PDXDC1: variants seen among roughly 807,000 people sequenced by gnomAD.
PDXDC1 encodes the protein pyridoxal dependent decarboxylase domain containing 1.
PDXDC1 carries 42 observed loss-of-function variants against 100.1 expected under a neutral mutation model. That is an observed-to-expected ratio of 0.42 (90% CI 0.33 to 0.54). PDXDC1 has a LOEUF of 0.54. PDXDC1 is among the 20% of genes least tolerant of loss of function. The pLI is 0.10. For missense variants in PDXDC1, 636 were observed against 979.2 expected (o/e 0.65, Z 4.68); for synonymous variants, 260 against 371.7 (o/e 0.70, Z 3.46).
chr16:15,132,365 A>T (rs1340392860), intron 16 of PDXDC1, among the ~76,000 whole-genome samples: 2 of 11,216 alleles, frequency 1.8e-4, no homozygotes, highest in Admixed American at 9.1e-4. Context: ...GGGGAGGGGC[A>T]AGGGGAGGGA....
chr16:15,035,199 G>A (rs751291955), intron 21 of PDXDC1, among the ~76,000 whole-genome samples: 1 of 152,206 alleles, frequency 6.6e-6, no homozygotes. Flanking sequence ...GCTACAGTAC[G>A]TTTCCCTGTT....
intron 16 of PDXDC1, chr16:15,047,755 C>T (rs566054881): frequency 3.1e-5 from 33 of 1,081,902 alleles, no homozygotes; most frequent in Admixed American, 1.2e-4. Flanking sequence ...AAGCGGAGTC[C>T]GCTTCCAACA....
intron 6 of PDXDC1, among the ~76,000 whole-genome samples, chr16:15,006,910 A>G (rs1173612119): frequency 1.3e-5 from 2 of 152,296 alleles, no homozygotes; most frequent in African/African-American, 4.8e-5. Flanking sequence ...TTTTCAAAGT[A>G]TAGTTTATTT....
intron 16 of PDXDC1, chr16:15,060,041 G>C (rs1438922657): frequency 5.1e-6 from 1 of 194,204 alleles, no homozygotes; most frequent in Non-Finnish European, 1.1e-5. Context: ...CATGTATTGA[G>C]GTACCTTTTA....
rs1004734150 is a variant in PDXDC1, at chr16:15,093,935, A to G, written c.1400-44944A>G. ...ACAGTCGGGAAAGGGGGCCTCCAGA[A>G]CAGAGAACATAGTCACTTTTCCAGG... is the stretch of plus-strand genomic sequence containing the variant. On this transcript the variant is annotated intron_variant, in intron 16 of 16. Coordinates refer to the PDXDC1 transcript ENST00000535621. 3 of 585,678 alleles carry G rather than the reference A, an allele frequency of 5.1e-6. No homozygotes were observed. The African/African-American group carries it at 5.7e-5, about 11-fold the overall frequency. 36.3% of individuals were successfully genotyped at this position (585,678 alleles called of 1,614,324 possible). A position where few individuals can be genotyped will look rare whatever the true frequency, so the allele number is the denominator to read the frequency against.
chr16:15,020,248 G>A (rs1410857172), intron 12 of PDXDC1, among the ~76,000 whole-genome samples: 1 of 152,252 alleles, frequency 6.6e-6, no homozygotes, highest in East Asian at 1.9e-4. Context: ...ATATGACAAG[G>A]ATTGCCAGGA....
At chr16:15,032,064 A>G in intron 17 of PDXDC1, 158 bp downstream of exon 17, 2 of 674,234 alleles carry the variant, frequency 3.0e-6, no homozygotes, top group South Asian at 1.9e-5. Context: ...ACAAAAGCAC[A>G]GTGCAAGCAG....
chr16:15,122,743 G>A (rs2047485218), intron 16 of PDXDC1, among the ~76,000 whole-genome samples: 1 of 148,428 alleles, frequency 6.7e-6, no homozygotes, highest in African/African-American at 2.5e-5. Context: ...GCGCCCGGAG[G>A]TGGCCAGGAC....
chr16:15,144,950 C>T, the PDXDC1 span, among the ~76,000 whole-genome samples: 1 of 152,158 alleles, frequency 6.6e-6, no homozygotes, highest in Non-Finnish European at 1.5e-5. Flanking sequence ...GCTCCTGGTG[C>T]CCCTGCACAC....
intron 16 of PDXDC1, among the ~76,000 whole-genome samples, chr16:15,055,205 A>AC (rs1230283841): frequency 6.6e-6 from 1 of 151,898 alleles, no homozygotes; most frequent in African/African-American, 2.4e-5. Flanking sequence ...AAACCTGAGA[A>AC]CCCCCTTGCC....
chr16:14,983,022 C>G (rs1485124941), intron 1 of PDXDC1, among the ~76,000 whole-genome samples: 3 of 152,250 alleles, frequency 2.0e-5, no homozygotes, highest in Admixed American at 2.0e-4. Context: ...TTTTTTATGT[C>G]TAATGCATAT....
chr16:15,078,593 G>T (rs1406648901), intron 16 of PDXDC1, among the ~76,000 whole-genome samples: 1 of 152,010 alleles, frequency 6.6e-6, no homozygotes, highest in Admixed American at 6.6e-5. Context: ...TCCTCCTTCC[G>T]GCGGATCCTT....
chr16:14,981,255 A>G (rs1187411930), intron 1 of PDXDC1, among the ~76,000 whole-genome samples: 3 of 152,292 alleles, frequency 2.0e-5, no homozygotes. Context: ...ATCAAGAAAC[A>G]GGAAAAGCAT....
At chr16:14,976,438 C>T (rs1477017754) in intron 1 of PDXDC1, among the ~76,000 whole-genome samples, 33 of 152,388 alleles carry the variant, frequency 2.2e-4, no homozygotes, top group Admixed American at 1.1e-3. Flanking sequence ...GTGGTATAGC[C>T]TACTCCTGGG....
At chr16:14,994,764 AC>A (rs1294342914) in intron 1 of PDXDC1, among the ~76,000 whole-genome samples, 5 of 152,272 alleles carry the variant, frequency 3.3e-5, no homozygotes, top group African/African-American at 1.2e-4. Flanking sequence ...GATTCTTCCT[AC>A]CCATGAGTGT....
intron 16 of PDXDC1, chr16:15,131,693 G>C: frequency 6.4e-7 from 1 of 1,551,408 alleles, no homozygotes; most frequent in Non-Finnish European, 8.7e-7. Flanking sequence ...GAGCTGGCCA[G>C]GTGGATGAGG....
At position 15,036,355 on chromosome 16, in the gene PDXDC1, CATACTA is replaced by C; in HGVS notation, c.*84_*89del. On this transcript the variant is annotated 3_prime_UTR_variant, in exon 23 of 23. Coordinates refer to ENST00000396410, the MANE Select transcript of PDXDC1 (RefSeq NM_015027.4). ...TCTATTGGAAATGTGAACTGTGCCA[CATACTA>C]ATATAAATTACTGTTGTTTGTGCTT... is the stretch of plus-strand genomic sequence containing the variant. 2 of 1,280,412 alleles carry C rather than the reference CATACTA, an allele frequency of 1.6e-6. No individual in the cohort carries two copies. Among genetic ancestry groups the C allele is most frequent in the Non-Finnish European group, 2.2e-6 (2 of 912,474 alleles). 79.3% of individuals were successfully genotyped at this position (1,280,412 alleles called of 1,614,324 possible).
intron 16 of PDXDC1, chr16:15,130,293 G>A (rs1028873925): frequency 1.5e-5 from 23 of 1,533,864 alleles, no homozygotes; most frequent in Non-Finnish European, 2.0e-5. Flanking sequence ...CTGGCGGGGC[G>A]AGGTCTCCTC....
intron 1 of PDXDC1, among the ~76,000 whole-genome samples, chr16:14,987,973 T>G (rs968090821): frequency 6.6e-6 from 1 of 151,208 alleles, no homozygotes; most frequent in African/African-American, 2.4e-5. Flanking sequence ...TAGACATCTT[T>G]ATACATCTTT....
Sources: gnomAD v4.1 joint callset for allele counts (sites outside exome capture counted in the v4.1 genomes callset) on GRCh38, gnomAD v4.1.1 for gene constraint, MANE v1.5 for transcripts, NCBI Gene and HGNC (gene_info 2026-07-23, HGNC 2026-07-21) for gene names.